Variants in RFTN1 observed in about 807,000 individuals in gnomAD.
RFTN1 encodes the protein raftlin, lipid raft linker 1.
In RFTN1, 26 loss-of-function variants were observed where a neutral mutation model predicts 46.5. The observed-to-expected ratio is 0.56, with a 90% CI of 0.41 to 0.78. The LOEUF is 0.78. RFTN1 is among the 30% of genes least tolerant of loss of function. RFTN1 has a pLI of 0.00. For missense variants in RFTN1, 693 were observed against 718.7 expected, an observed-to-expected ratio of 0.96 and a Z score of 0.41; for synonymous variants, 261 against 284.2, an observed-to-expected ratio of 0.92 and a Z score of 0.82.
intron 5 of RFTN1, among the ~76,000 whole-genome samples, chr3:16,371,850 G>A (rs1181941557): frequency 6.6e-6 from 1 of 152,214 alleles, no homozygotes; most frequent in Non-Finnish European, 1.5e-5. Flanking sequence ...TTAGGTCTTG[G>A]TGTATAGAAC....
At chr3:16,318,192 G>T (rs1005165799) in intron 9 of RFTN1, among the ~76,000 whole-genome samples, 1 of 152,014 alleles carries the variant, frequency 6.6e-6, no homozygotes, top group Admixed American at 6.6e-5. Context: ...GTCACTGACC[G>T]GCCAAGTTTC....
Position 16,474,393 on chromosome 3 carries a change from G to C in RFTN1, c.145+19332C>G, listed in dbSNP as rs76237315. Among the ~76,000 whole-genome samples, 1 of 152,114 alleles carries C rather than the reference G, an allele frequency of 6.6e-6. No individual in the cohort carries two copies. Among genetic ancestry groups the C allele is most frequent in the Non-Finnish European group, 1.5e-5 (1 of 67,988 alleles). ...GCCAGCACTATTCCCTGACATGCAG[G>C]GTGATGGACTGCTACACAGCTGCTG... On this transcript the variant is annotated intron_variant, in intron 2 of 9. Coordinates refer to ENST00000334133, the MANE Select transcript of RFTN1 (RefSeq NM_015150.2). This position sits in a 1 kb window ranked among gnomAD's most constrained non-coding sequence, Gnocchi z 5.5.
chr3:16,506,161 A>C lies in RFTN1; in HGVS notation c.-9+7281T>G, dbSNP rs2076802056. Among the ~76,000 whole-genome samples, 1 of 152,186 alleles carries C rather than the reference A, an allele frequency of 6.6e-6. No individual in the cohort carries two copies. The highest frequency in any genetic ancestry group is 2.4e-5 in the African/African-American group (1 of 41,452). On this transcript the variant is annotated intron_variant, in intron 1 of 9. Coordinates refer to ENST00000334133, the MANE Select transcript of RFTN1 (RefSeq NM_015150.2). The surrounding 1 kb of genome is among the most constrained non-coding windows in gnomAD (Gnocchi z 4.8). The stretch of plus-strand genomic sequence containing the variant: ...TTAAATACGGGGATTGGGAAAGGCC[A>C]CACCCAGAAGGTGACGTTTAAGCAA...
rs2075982417 is a variant in RFTN1 at position 16,460,134 on chromosome 3, G to A, written c.146-26097C>T. On this transcript the variant is annotated intron_variant, in intron 2 of 9. Transcript: ENST00000334133. The surrounding 1 kb of genome is among the most constrained non-coding windows in gnomAD (Gnocchi z 4.8). ...TAATGTAGTATGTAAAATATGCATG[G>A]TGGAAGGAGTAAACTGTGTAGATTA... is the stretch of plus-strand genomic sequence containing the variant. Among the ~76,000 whole-genome samples the A allele has an allele frequency of 6.6e-6, 1 of 152,100 alleles. No homozygotes were observed. The highest frequency in any genetic ancestry group is 6.5e-5 in the Admixed American group (1 of 15,270).
Position 16,377,896 on chromosome 3 carries a change from C to T in RFTN1, c.648G>A (p.Gly216=). Residue 216 remains glycine (G), a synonymous_variant, in exon 5 of 10, where the codon GGG becomes GGA. Transcript: ENST00000334133. ...AGCTGGGCTCTGGGCTTTGGTTTCTCCCAGCCGGAGCACTGCACACATCCC... is the reference window on the plus strand; with the variant it reads ...AGCTGGGCTCTGGGCTTTGGTTTCTTCCAGCCGGAGCACTGCACACATCCC... ...GTGDVCSAPA[G]RNQSPEPSSG... is the part of the protein sequence containing the mutation. 6.2e-7 allele frequency: 1 copy of T among 1,614,212 alleles called. No homozygotes were observed. Among genetic ancestry groups the T allele is most frequent in the Non-Finnish European group, 8.5e-7 (1 of 1,180,024 alleles).
At position 16,400,582 on chromosome 3, in the gene RFTN1, G is replaced by A. The variant is rs547681057; in HGVS notation, c.441+8793C>T. Among the ~76,000 whole-genome samples, 1 of 152,224 alleles carries A rather than the reference G, an allele frequency of 6.6e-6. No homozygotes were observed. The highest frequency in any genetic ancestry group is 2.1e-4 in the South Asian group (1 of 4,830). On this transcript the variant is annotated intron_variant, in intron 4 of 9. Coordinates refer to ENST00000334133, the MANE Select transcript of RFTN1 (RefSeq NM_015150.2). This position sits in a 1 kb window ranked among gnomAD's most constrained non-coding sequence, Gnocchi z 4.5. Reference sequence around the variant, plus strand: ...AAGATCTGTTCAAAGAAATGTGAACGAAACCTGACCCACTGATGCTGGACA... The same window carrying A: ...AAGATCTGTTCAAAGAAATGTGAACAAAACCTGACCCACTGATGCTGGACA...
chr3:16,398,319 C>T (rs1207487906), intron 4 of RFTN1, among the ~76,000 whole-genome samples: 1 of 150,908 alleles, frequency 6.6e-6, no homozygotes, highest in Admixed American at 6.6e-5. Flanking sequence ...ACGTGTGTGC[C>T]TCTGAAACAT....
intron 2 of RFTN1, among the ~76,000 whole-genome samples, chr3:16,493,186 A>G (rs1334603612): frequency 2.6e-5 from 4 of 151,400 alleles, no homozygotes; most frequent in Non-Finnish European, 5.9e-5. Context: ...ATCCATATGT[A>G]TTGCTTGGCT....
In RFTN1 at chr3:16,337,835, T is replaced by A. The variant is rs1329247853; in HGVS notation, c.1147-10959A>T. 6.6e-6 allele frequency among the ~76,000 whole-genome samples: 1 copy of A among 152,164 alleles called. No homozygotes were observed. Among genetic ancestry groups the A allele is most frequent in the African/African-American group, 2.4e-5 (1 of 41,432 alleles). The stretch of plus-strand genomic sequence containing the variant: ...GCTGAAGGGGAGTGTTCCTAATTTG[T>A]CACCACACTCAAGGCTGGCACACCT... On this transcript the variant is annotated intron_variant, in intron 7 of 9. Coordinates refer to ENST00000334133, the MANE Select transcript of RFTN1 (RefSeq NM_015150.2). This position sits in a 1 kb window ranked among gnomAD's most constrained non-coding sequence, Gnocchi z 5.0.
intron 9 of RFTN1, among the ~76,000 whole-genome samples, chr3:16,319,090 G>C (rs1273433351): frequency 6.6e-6 from 1 of 152,206 alleles, no homozygotes; most frequent in Non-Finnish European, 1.5e-5. Context: ...GTGTTAGGCA[G>C]CTGCCGTTGC....
intron 4 of RFTN1, among the ~76,000 whole-genome samples, chr3:16,399,915 C>T (rs2074560226): frequency 6.6e-6 from 1 of 152,194 alleles, no homozygotes; most frequent in South Asian, 2.1e-4. Flanking sequence ...TACCTCTCTA[C>T]ATCTCTGTCA....
Position 16,468,153 on chromosome 3 carries a change from C to T in RFTN1, c.145+25572G>A, listed in dbSNP as rs1251859978. Among the ~76,000 whole-genome samples, 1 of 152,182 alleles carries T rather than the reference C, an allele frequency of 6.6e-6. No homozygotes were observed. The highest frequency in any genetic ancestry group is 1.5e-5 in the Non-Finnish European group (1 of 68,038). The stretch of plus-strand genomic sequence containing the variant: ...AACAGGGTGAGCTATATTTATATCC[C>T]ACGGCTGGTGATGCCTCAGCACACT... On this transcript the variant is annotated intron_variant, in intron 2 of 9. Coordinates refer to ENST00000334133, the MANE Select transcript of RFTN1 (RefSeq NM_015150.2). The surrounding 1 kb of genome is among the most constrained non-coding windows in gnomAD (Gnocchi z 4.4).
chr3:16,479,462 T>C lies in RFTN1; in HGVS notation c.145+14263A>G, dbSNP rs953245018. 3.9e-5 allele frequency among the ~76,000 whole-genome samples: 6 copies of C among 152,202 alleles called. No individual in the cohort carries two copies. Among genetic ancestry groups the C allele is most frequent in the Non-Finnish European group, 4.4e-5 (3 of 68,050 alleles). ...ACAGTTGGATCACCAGTCTGAGGGA[T>C]ATGGAAGGCAATCCAGAAAAACCTC... On this transcript the variant is annotated intron_variant, in intron 2 of 9. Transcript: ENST00000334133. This position sits in a 1 kb window ranked among gnomAD's most constrained non-coding sequence, Gnocchi z 5.1.
chr3:16,497,338 T>C (rs1268075414), intron 1 of RFTN1, among the ~76,000 whole-genome samples: 1 of 152,262 alleles, frequency 6.6e-6, no homozygotes, highest in Non-Finnish European at 1.5e-5. Context: ...TCAATTCTTC[T>C]GAATAAAAAC....
rs561757394 is a variant in RFTN1 at position 16,504,585 on chromosome 3, G to A, written c.-9+8857C>T. On this transcript the variant is annotated intron_variant, in intron 1 of 9. Coordinates refer to ENST00000334133, the MANE Select transcript of RFTN1 (RefSeq NM_015150.2). The surrounding 1 kb of genome is among the most constrained non-coding windows in gnomAD (Gnocchi z 4.4). ...CTGTGCCTTTGCTGCAGTGCCTTGC[G>A]GTATCTTAGCACAGAATTTGGGAAC... Among the ~76,000 whole-genome samples the A allele has an allele frequency of 3.9e-5, 6 of 152,218 alleles. No homozygotes were observed. The highest frequency in any genetic ancestry group is 3.9e-4 in the East Asian group (2 of 5,186).
At position 16,473,415 on chromosome 3, in the gene RFTN1, T is replaced by C. The variant is rs899549691; in HGVS notation, c.145+20310A>G. ...TCTTTCTTTTTTCTTTTTTTTTTTTTCCTGAGATAGAGTCTGGCTCTGTCG... is the reference window on the plus strand; with the variant it reads ...TCTTTCTTTTTTCTTTTTTTTTTTTCCCTGAGATAGAGTCTGGCTCTGTCG... On this transcript the variant is annotated intron_variant, in intron 2 of 9. Transcript: ENST00000334133. This position sits in a 1 kb window ranked among gnomAD's most constrained non-coding sequence, Gnocchi z 5.3. Among the ~76,000 whole-genome samples, 1 of 151,798 alleles carries C rather than the reference T, an allele frequency of 6.6e-6. No individual in the cohort carries two copies. Among genetic ancestry groups the C allele is most frequent in the African/African-American group, 2.4e-5 (1 of 41,324 alleles).
intron 4 of RFTN1, among the ~76,000 whole-genome samples, chr3:16,391,637 T>G (rs544991050): frequency 1.3e-5 from 2 of 152,240 alleles, no homozygotes; most frequent in East Asian, 3.9e-4. Context: ...AACACTGCCA[T>G]AGTGGATGAA....
rs1372487611 is a variant in RFTN1 at position 16,413,384 on chromosome 3, T to G, written c.333-3901A>C. 6.6e-6 allele frequency among the ~76,000 whole-genome samples: 1 copy of G among 152,218 alleles called. No homozygotes were observed. The highest frequency in any genetic ancestry group is 2.4e-5 in the African/African-American group (1 of 41,454). ...GGACAAAGGAATAAATATTCCGCTA[T>G]CAATCTAGTTTCTATGGAAGAAGCA... On this transcript the variant is annotated intron_variant, in intron 3 of 9. Coordinates refer to ENST00000334133, the MANE Select transcript of RFTN1 (RefSeq NM_015150.2). The surrounding 1 kb of genome is among the most constrained non-coding windows in gnomAD (Gnocchi z 4.7).
At chr3:16,464,320 A>T (rs2124933871) in intron 2 of RFTN1, among the ~76,000 whole-genome samples, 1 of 152,324 alleles carries the variant, frequency 6.6e-6, no homozygotes, top group Non-Finnish European at 1.5e-5. Flanking sequence ...CCAAAAATAA[A>T]GTAGCTACAG....
Sources: gnomAD v4.1 joint callset for allele counts (sites outside exome capture counted in the v4.1 genomes callset) on GRCh38, gnomAD v4.1.1 for gene constraint, Gnocchi (gnomAD v3.1) non-coding constraint, MANE v1.5 for transcripts, NCBI Gene and HGNC (gene_info 2026-07-23, HGNC 2026-07-21) for gene names.